KIF17: variants seen among roughly 807,000 people sequenced by gnomAD.
KIF17 encodes the protein kinesin-like protein KIF17.
Under a neutral mutation model 96.8 loss-of-function variants are expected in KIF17, and 80 were observed. The observed-to-expected ratio is 0.83, with a 90% confidence interval of 0.69 to 1.00. KIF17 has a LOEUF of 1.00. Ranked by LOEUF, KIF17 falls within the 50% of genes least tolerant of loss-of-function variation. The pLI is 0.00. For missense variants in KIF17, 1,280 were observed against 1,372.9 expected (o/e 0.93, Z 1.07); for synonymous variants, 567 against 587.5 (o/e 0.97, Z 0.51).
intron 11 of KIF17, among the ~76,000 whole-genome samples, chr1:20,678,540 C>T (rs1367931219): frequency 6.6e-6 from 1 of 152,002 alleles, no homozygotes; most frequent in African/African-American, 2.4e-5. Context: ...AAAAATAAAG[C>T]CACCCTTAAC....
At chr1:20,703,165 A>AGATGGATGGATGGATG (rs375493743) in intron 5 of KIF17, among the ~76,000 whole-genome samples, 1 of 86,742 alleles carries the variant, frequency 1.2e-5, no homozygotes, top group African/African-American at 4.5e-5. Flanking sequence ...GGAAGGATGG[A>AGATGGATGGATGGATG]GATGGATGGA....
Position 20,704,850 on chromosome 1 carries a change from G to T in KIF17, c.720C>A (p.Asp240Glu). The T allele has an allele frequency of 6.2e-7, 1 of 1,603,950 alleles. No individual in the cohort carries two copies. The highest frequency in any genetic ancestry group is 8.5e-7 in the Non-Finnish European group (1 of 1,179,906). The change falls in exon 5 of 15, where the codon GAC becomes GAA. Residue 240 changes from aspartate to glutamate, a missense_variant. Physicochemically the swap from Asp to Glu is conservative, Grantham distance 45. Coordinates refer to ENST00000400463, the MANE Select transcript of KIF17 (RefSeq NM_001122819.3). The surrounding 1 kb of genome is among the most constrained non-coding windows in gnomAD (Gnocchi z 6.8). ...HLRAGKLNLV[D>E]LAGSERQSKT... is the part of the protein sequence containing the mutation. ...TGGACTGCCGCTCGCTGCCCGCCAG[G>T]TCCACCAGGTTCAGCTTGCCCGCCC...
rs180902977 is a variant in KIF17 at position 20,709,411 on chromosome 1, C to T, written c.670+228G>A. Among the ~76,000 whole-genome samples the T allele has an allele frequency of 4.5e-3, 692 of 152,280 alleles. 5 individuals carry two copies. Among genetic ancestry groups the T allele is most frequent in the African/African-American group, 0.016 (657 of 41,554 alleles). ...AAATAAATAAATAAAAATTGTCTGGCACACAGTGAGCGCTCAATGTTGGCT... is the reference window on the plus strand; with the variant it reads ...AAATAAATAAATAAAAATTGTCTGGTACACAGTGAGCGCTCAATGTTGGCT... On this transcript the variant is annotated intron_variant, in intron 4 of 14. Transcript: ENST00000400463. The surrounding 1 kb of genome is among the most constrained non-coding windows in gnomAD (Gnocchi z 4.7).
At chr1:20,664,857 C>T (rs2053497343) in intron 14 of KIF17, 95 bp from the exon 15 acceptor site, 3 of 1,132,654 alleles carry the variant, frequency 2.6e-6, no homozygotes, top group Admixed American at 2.0e-5. Flanking sequence ...TGGCCCACCC[C>T]ACTCCCGCCC....
At chr1:20,678,861 A>C (rs1308953545) in intron 11 of KIF17, among the ~76,000 whole-genome samples, 1 of 152,140 alleles carries the variant, frequency 6.6e-6, no homozygotes, top group African/African-American at 2.4e-5. Flanking sequence ...AGAAGTGGGA[A>C]GCGCCCTTGA....
chr1:20,671,808 A>T, intron 12 of KIF17, 130 bp downstream of exon 12: 1 of 1,132,666 alleles, frequency 8.8e-7, no homozygotes, highest in Non-Finnish European at 1.3e-6. Flanking sequence ...GTCCTGACGC[A>T]TCAGGTACCC....
intron 11 of KIF17, among the ~76,000 whole-genome samples, chr1:20,676,606 C>T (rs1040477086): frequency 1.5e-4 from 23 of 151,066 alleles, no homozygotes; most frequent in Admixed American, 1.3e-3. Context: ...CAAGGTGGGG[C>T]GGATCACTTG....
rs921099507 is a variant in KIF17, at chr1:20,699,732, C to T, written c.1124-1244G>A. The stretch of plus-strand genomic sequence containing the variant: ...AGCGGTGAGTGCGAGGGCCCTGAGG[C>T]GGTTGTGAGACTGCACTGTTCCTGG... On this transcript the variant is annotated intron_variant, in intron 5 of 14. Coordinates refer to ENST00000400463, the MANE Select transcript of KIF17 (RefSeq NM_001122819.3). This position sits in a 1 kb window ranked among gnomAD's most constrained non-coding sequence, Gnocchi z 4.3. Among the ~76,000 whole-genome samples, 9 of 148,318 alleles carry T rather than the reference C, an allele frequency of 6.1e-5. No individual in the cohort carries two copies. The highest frequency in any genetic ancestry group is 5.3e-4 in the Admixed American group (8 of 15,122).
At chr1:20,712,191 T>C (rs1461895250) in intron 3 of KIF17, among the ~76,000 whole-genome samples, 1 of 152,122 alleles carries the variant, frequency 6.6e-6, no homozygotes, top group Non-Finnish European at 1.5e-5. Context: ...GGCTCCCTGC[T>C]GCTCCAGTGC....
intron 3 of KIF17, among the ~76,000 whole-genome samples, chr1:20,712,037 T>C (rs1303887285): frequency 6.6e-6 from 1 of 152,136 alleles, no homozygotes; most frequent in Non-Finnish European, 1.5e-5. Flanking sequence ...CATCTGTCAC[T>C]GCAGCCCCCA....
At chr1:20,707,000 G>A (rs1035602021) in intron 4 of KIF17, among the ~76,000 whole-genome samples, 2 of 152,188 alleles carry the variant, frequency 1.3e-5, no homozygotes, top group African/African-American at 4.8e-5. Flanking sequence ...GGAGGCTGAG[G>A]TGGGAGGGAT....
At chr1:20,690,649 A>C (rs924267745) in intron 6 of KIF17, among the ~76,000 whole-genome samples, 10 of 151,366 alleles carry the variant, frequency 6.6e-5, no homozygotes, top group Non-Finnish European at 1.5e-5. Context: ...CAGCCTCCCA[A>C]ATAGCTGGGA....
chr1:20,679,354 C>G (rs61778495), intron 11 of KIF17, among the ~76,000 whole-genome samples: 7,973 of 152,180 alleles, frequency 0.052, 208 homozygotes, highest in Non-Finnish European at 0.059. Context: ...GTGGTGCATA[C>G]CTGTAGTCCC....
Position 20,687,949 on chromosome 1 carries a change from A to C in KIF17, c.1382-5T>G. 1 of 1,613,382 alleles carries C rather than the reference A, an allele frequency of 6.2e-7. No individual in the cohort carries two copies. The highest frequency in any genetic ancestry group is 1.7e-5 in the Admixed American group (1 of 60,016). On this transcript the variant is annotated splice_region_variant and splice_polypyrimidine_tract_variant and intron_variant, in intron 7 of 14. Transcript: ENST00000400463. The surrounding 1 kb of genome is among the most constrained non-coding windows in gnomAD (Gnocchi z 4.4). ...CTCCCACCTGCAGGACAGCCTCTGC[A>C]AAATGGAGAACTTCCTTCAGGTTTT...
At chr1:20,697,441 A>AG (rs2054161771) in intron 6 of KIF17, among the ~76,000 whole-genome samples, 1 of 112,486 alleles carries the variant, frequency 8.9e-6, no homozygotes, top group South Asian at 3.2e-4. Flanking sequence ...CCCTATCTCT[A>AG]CAAAAAAATT....
chr1:20,665,663 T>C (rs1338709104), intron 14 of KIF17, among the ~76,000 whole-genome samples: 2 of 152,104 alleles, frequency 1.3e-5, no homozygotes, highest in Non-Finnish European at 2.9e-5. Flanking sequence ...AGCCTGCCAA[T>C]GTGCTGGGAT....
intron 1 of KIF17, among the ~76,000 whole-genome samples, chr1:20,717,028 C>T (rs2054589078): frequency 6.6e-6 from 1 of 152,150 alleles, no homozygotes; most frequent in Non-Finnish European, 1.5e-5. Flanking sequence ...CCCCATCTTG[C>T]CAGTGAGGGA....
At position 20,690,392 on chromosome 1, in the gene KIF17, C is replaced by T. The variant is rs2054018315; in HGVS notation, c.1234-57G>A. ...AGCATTTTATCATCATTTTGAAACC[C>T]AGCTTTCAGTATTCCTTTTTGGTTA... On this transcript the variant is annotated intron_variant, in intron 6 of 14. Coordinates refer to ENST00000400463, the MANE Select transcript of KIF17 (RefSeq NM_001122819.3). 2.6e-6 allele frequency: 4 copies of T among 1,539,180 alleles called. No homozygotes were observed. The East Asian group carries it at 6.8e-5, about 26-fold the overall frequency.
rs2154535133 is a variant in KIF17 at position 20,672,176 on chromosome 1, C to G, written c.2484G>C (p.Glu828Asp). The change falls in exon 12 of 15, where the codon GAG becomes GAC. Residue 828 changes from glutamate to aspartate, a missense_variant. Physicochemically the swap from Glu to Asp is conservative, Grantham distance 45 (BLOSUM62 2). Coordinates refer to ENST00000400463, the MANE Select transcript of KIF17 (RefSeq NM_001122819.3). This position sits in a 1 kb window ranked among gnomAD's most constrained non-coding sequence, Gnocchi z 4.3. ...MQRKLRAAEV[E>D]IKDLQSEFQL... Reference sequence around the variant, plus strand: ...GAAACTCGGACTGCAGATCTTTGATCTCCACCTCTGCTGCCCGAAGCTGAA... The same window carrying G: ...GAAACTCGGACTGCAGATCTTTGATGTCCACCTCTGCTGCCCGAAGCTGAA... 6.2e-7 allele frequency: 1 copy of G among 1,614,174 alleles called. No individual in the cohort carries two copies. Among genetic ancestry groups the G allele is most frequent in the East Asian group, 2.2e-5 (1 of 44,878 alleles).
Sources: gnomAD v4.1 joint callset for allele counts (sites outside exome capture counted in the v4.1 genomes callset) on GRCh38, gnomAD v4.1.1 for gene constraint, Gnocchi (gnomAD v3.1) non-coding constraint, MANE v1.5 for transcripts, NCBI Gene and HGNC (gene_info 2026-07-23, HGNC 2026-07-21) for gene names.